MEIS2: variants seen among roughly 807,000 people sequenced by gnomAD.
MEIS2 encodes the protein Meis homeobox 2.
MEIS2 carries 9 observed loss-of-function variants against 58.6 expected under a neutral mutation model. The ratio of observed to expected loss-of-function variants is 0.15; its 90% CI spans 0.09 to 0.27. The LOEUF (loss-of-function observed/expected upper bound fraction) is 0.27. Among genes scored for constraint, MEIS2 ranks in the 10% least tolerant of loss-of-function variants. MEIS2 has a pLI of 1.00. For missense variants in MEIS2, 427 were observed against 635.0 expected (o/e 0.67, Z 3.52); for synonymous variants, 221 against 228.4 (o/e 0.97, Z 0.29).
chr15:36,998,223 G>A (rs148645256), intron 8 of MEIS2, among the ~76,000 whole-genome samples: 183 of 134,166 alleles, frequency 1.4e-3, no homozygotes, highest in African/African-American at 4.3e-3. Context: ...ATATATTGTC[G>A]TAAAAACACA....
chr15:37,002,630 C>T (rs1159371729), intron 8 of MEIS2, among the ~76,000 whole-genome samples: 2 of 151,750 alleles, frequency 1.3e-5, no homozygotes, highest in Non-Finnish European at 2.9e-5. Flanking sequence ...GATTAGTTTC[C>T]TCATCTAGTA....
At chr15:37,058,370 C>G (rs1888732548) in intron 7 of MEIS2, among the ~76,000 whole-genome samples, 1 of 152,204 alleles carries the variant, frequency 6.6e-6, no homozygotes, top group African/African-American at 2.4e-5. Context: ...AGGAAACGCT[C>G]TCAAGTTTTT....
chr15:37,084,905 C>T (rs1416214936), intron 6 of MEIS2, among the ~76,000 whole-genome samples: 1 of 152,144 alleles, frequency 6.6e-6, no homozygotes, highest in Non-Finnish European at 1.5e-5. Flanking sequence ...AAAGCCAGAG[C>T]TGTACACTTG....
chr15:37,094,683 G>C, intron 4 of MEIS2, 106 bp from the exon 5 acceptor site: 1 of 823,742 alleles, frequency 1.2e-6, no homozygotes, highest in Non-Finnish European at 1.9e-6. Context: ...GGGCTGGGGA[G>C]AAGAAACGGG....
intron 8 of MEIS2, among the ~76,000 whole-genome samples, chr15:36,989,663 A>G (rs541991324): frequency 1.8e-3 from 281 of 152,302 alleles, no homozygotes; most frequent in African/African-American, 6.5e-3. Context: ...TATAGCTACT[A>G]TTACAACTCT....
intron 8 of MEIS2, among the ~76,000 whole-genome samples, chr15:37,022,910 C>T (rs906480978): frequency 2.0e-5 from 3 of 152,180 alleles, no homozygotes; most frequent in Non-Finnish European, 4.4e-5. Context: ...CCTCCTCGGC[C>T]TCCCAAAGTG....
At chr15:37,012,619 A>C (rs909887641) in intron 8 of MEIS2, among the ~76,000 whole-genome samples, 1 of 152,192 alleles carries the variant, frequency 6.6e-6, no homozygotes, top group Non-Finnish European at 1.5e-5. Context: ...GTGTGCATCT[A>C]TATACGGCCT....
chr15:36,892,880 TATC>T (rs1261386656), intron 11 of MEIS2, among the ~76,000 whole-genome samples: 9 of 152,232 alleles, frequency 5.9e-5, no homozygotes, highest in East Asian at 1.9e-4. Context: ...ATTGACATCT[TATC>T]ATATCTATAT....
intron 7 of MEIS2, among the ~76,000 whole-genome samples, chr15:37,041,383 C>T (rs545382323): frequency 1.3e-5 from 2 of 152,248 alleles, no homozygotes; most frequent in South Asian, 4.2e-4. Context: ...TGTCTGAAGG[C>T]CTGAATCTAA....
At chr15:36,953,132 G>A (rs1437152805) in intron 8 of MEIS2, among the ~76,000 whole-genome samples, 3 of 152,052 alleles carry the variant, frequency 2.0e-5, no homozygotes, top group Non-Finnish European at 4.4e-5. Context: ...AAATTAAAAA[G>A]GGGATTGAAA....
intron 9 of MEIS2, among the ~76,000 whole-genome samples, chr15:36,899,894 CA>C (rs1229325052): frequency 6.6e-6 from 1 of 152,072 alleles, no homozygotes; most frequent in South Asian, 2.1e-4. Context: ...AGGGTCTTGG[CA>C]AAAAACATTT....
chr15:36,928,979 T>C (rs2057861062), intron 9 of MEIS2, among the ~76,000 whole-genome samples: 1 of 152,338 alleles, frequency 6.6e-6, no homozygotes, highest in South Asian at 2.1e-4. Flanking sequence ...TCACAGTTCA[T>C]GTCTAAATGA....
intron 8 of MEIS2, among the ~76,000 whole-genome samples, chr15:36,975,931 T>C (rs569537050): frequency 6.6e-6 from 1 of 152,184 alleles, no homozygotes; most frequent in African/African-American, 2.4e-5. Flanking sequence ...GGTTTAGCCA[T>C]TCCACAATGT....
At chr15:36,933,456 G>A (rs1162513024) in intron 9 of MEIS2, among the ~76,000 whole-genome samples, 4 of 152,056 alleles carry the variant, frequency 2.6e-5, no homozygotes, top group Non-Finnish European at 5.9e-5. Flanking sequence ...AAGTCATTTT[G>A]CATTTTTACA....
Position 37,038,013 on chromosome 15 carries a change from G to T in MEIS2, c.755-1054C>A, listed in dbSNP as rs144487523. On this transcript the variant is annotated intron_variant, in intron 7 of 11. Coordinates refer to ENST00000561208, the MANE Select transcript of MEIS2 (RefSeq NM_170675.5). ...GCACATCATTAGCCTGGAGCCACAC[G>T]AAAGAGGAAAACAGAGAAGTGGAGA... is the stretch of plus-strand genomic sequence containing the variant. Among the ~76,000 whole-genome samples, 506 of 152,306 alleles carry T rather than the reference G, an allele frequency of 3.3e-3. 9 individuals carry two copies. The highest frequency in any genetic ancestry group is 1.1e-3 in the Non-Finnish European group (74 of 68,026).
At chr15:36,892,526 AG>A in intron 11 of MEIS2, 67 bp from the exon 12 acceptor site, 3 of 1,171,072 alleles carry the variant, frequency 2.6e-6, no homozygotes, top group South Asian at 1.4e-5. Context: ...TACCCATCAA[AG>A]ATGAAAAGAA....
intron 8 of MEIS2, among the ~76,000 whole-genome samples, chr15:36,995,873 C>T (rs2141575403): frequency 6.8e-6 from 1 of 146,076 alleles, no homozygotes; most frequent in South Asian, 2.1e-4. Flanking sequence ...CGACTTGAAT[C>T]TTTGTATTAT....
At position 37,036,837 on chromosome 15, in the gene MEIS2, C is replaced by A. The variant is rs1385058993; in HGVS notation, c.877G>T (p.Ala293Ser). ...FPKVATNIMR[A>S]WLFQHLTHPY... ...ACTGTGAGATGCTGGAAGAGCCATG[C>A]TCTCATGATATTTGTTGCTACTTTG... is the stretch of plus-strand genomic sequence containing the variant. The change falls in exon 8 of 12, where the codon GCA becomes TCA. Residue 293 changes from alanine to serine, a missense_variant. Physicochemically the swap from Ala to Ser is moderately conservative, Grantham distance 99 (BLOSUM62 1). Transcript: ENST00000561208. 1 of 1,613,762 alleles carries A rather than the reference C, an allele frequency of 6.2e-7. No homozygotes were observed. Among genetic ancestry groups the A allele is most frequent in the Admixed American group, 1.7e-5 (1 of 59,988 alleles).
At chr15:37,022,586 T>C (rs2061562640) in intron 8 of MEIS2, among the ~76,000 whole-genome samples, 1 of 152,094 alleles carries the variant, frequency 6.6e-6, no homozygotes. Flanking sequence ...CAGTCATTTG[T>C]ATTTCAGCTT....
Sources: allele counts gnomAD v4.1 joint callset (sites outside exome capture counted in the v4.1 genomes callset), GRCh38; gene constraint gnomAD v4.1.1; transcripts MANE v1.5; gene names NCBI Gene and HGNC (gene_info 2026-07-23, HGNC 2026-07-21).